HERC1: variants seen among roughly 807,000 people sequenced by gnomAD.
HERC1 encodes HECT and RLD domain containing E3 ubiquitin protein ligase family member 1, also known as probable E3 ubiquitin-protein ligase HERC1.
HERC1 carries 160 observed loss-of-function variants against 554.3 expected under a neutral mutation model. That is an observed-to-expected ratio of 0.29 (90% confidence interval 0.25 to 0.33). The LOEUF (loss-of-function observed/expected upper bound fraction) is 0.33. Ranked by LOEUF, HERC1 falls within the 10% of genes least tolerant of loss-of-function variation. The pLI is 1.00. For synonymous variants in HERC1, 2,175 were observed against 2,131.7 expected, an observed-to-expected ratio of 1.02 and a Z score of -0.56; for missense variants, 4,919 against 5,918.5, an observed-to-expected ratio of 0.83 and a Z score of 5.54.
At chr15:63,737,506 C>CTCTCTCTTTTT (rs2074583271) in intron 12 of HERC1, among the ~76,000 whole-genome samples, 2 of 49,052 alleles carry the variant, frequency 4.1e-5, no homozygotes, top group African/African-American at 1.3e-4. Flanking sequence ...ATATATATAT[C>CTCTCTCTTTTT]TTTTTTCCAG....
rs770451838 is a variant in HERC1 at position 63,694,683 on chromosome 15, T to C, written c.5242+91A>G. The C allele has an allele frequency of 2.0e-6, 3 of 1,536,856 alleles. No homozygotes were observed. The highest frequency in any genetic ancestry group is 2.7e-6 in the Non-Finnish European group (3 of 1,110,256). On this transcript the variant is annotated intron_variant, in intron 28 of 77. Transcript: ENST00000443617. This position sits in a 1 kb window ranked among gnomAD's most constrained non-coding sequence, Gnocchi z 4.3. ...CTTTACCTATAAGTTTATCTACTAA[T>C]GTTAAACACAAAATATAGAACATAA...
chr15:63,669,731 T>C (rs763981320), intron 39 of HERC1, 33 bp from the exon 40 acceptor site: 11 of 1,595,572 alleles, frequency 6.9e-6, no homozygotes, highest in African/African-American at 1.3e-5. Flanking sequence ...AGCATAAAAA[T>C]CCAATTTACG....
intron 69 of HERC1, among the ~76,000 whole-genome samples, chr15:63,629,947 T>C (rs2068473781): frequency 6.6e-6 from 1 of 152,154 alleles, no homozygotes; most frequent in Non-Finnish European, 1.5e-5. Context: ...GAGTCTCTTA[T>C]CAGTATCTCA....
rs2153068620 is a variant in HERC1 at position 63,698,877 on chromosome 15, A to G, written c.4756T>C (p.Leu1586=). The change falls in exon 26 of 78, where the codon TTG becomes CTG. Residue 1586 remains leucine (L), a synonymous_variant. Coordinates refer to ENST00000443617, the MANE Select transcript of HERC1 (RefSeq NM_003922.4). The part of the protein sequence containing the change: ...FESDFDLTKS[L]GVHTLIENVV... ...TTTTCAATCAAAGTGTGAACTCCCAAAGACTTGGTAAGATCAAAATCTGAC... is the reference window on the plus strand; with the variant it reads ...TTTTCAATCAAAGTGTGAACTCCCAGAGACTTGGTAAGATCAAAATCTGAC... 1 of 1,614,000 alleles carries G rather than the reference A, an allele frequency of 6.2e-7. No homozygotes were observed. Among genetic ancestry groups the G allele is most frequent in the East Asian group, 2.2e-5 (1 of 44,886 alleles).
At position 63,775,378 on chromosome 15, in the gene HERC1, A is replaced by C. The variant is rs763076398; in HGVS notation, c.246T>G (p.Leu82=). The C allele has an allele frequency of 1.2e-6, 2 of 1,613,990 alleles. No homozygotes were observed. Among genetic ancestry groups the C allele is most frequent in the South Asian group, 2.2e-5 (2 of 91,084 alleles). ...TTGCCAATGCTAGCTGGCTGCTAAG[A>C]AGGGCATCCAAATAGTGGTCCTGCT... ...SDEQDHYLDA[L]LSSQLALAKM... is the part of the protein sequence containing the mutation. Residue 82 remains leucine, a synonymous_variant, in exon 2 of 78, where the codon CTT becomes CTG. Coordinates refer to ENST00000443617, the MANE Select transcript of HERC1 (RefSeq NM_003922.4). The surrounding 1 kb of genome is among the most constrained non-coding windows in gnomAD (Gnocchi z 4.0).
At chr15:63,687,992 A>G (rs1450670351) in intron 33 of HERC1, among the ~76,000 whole-genome samples, 1 of 152,234 alleles carries the variant, frequency 6.6e-6, no homozygotes, top group Non-Finnish European at 1.5e-5. Flanking sequence ...TTATCCAAAG[A>G]ATGACGAGAA....
At chr15:63,696,524 A>C (rs1254113372) in intron 26 of HERC1, among the ~76,000 whole-genome samples, 185 bp from the exon 27 acceptor site, 1 of 152,212 alleles carries the variant, frequency 6.6e-6, no homozygotes. Context: ...CTATAAGCAC[A>C]CATCAGAATA....
chr15:63,661,332 C>T (rs1408609327), intron 45 of HERC1, among the ~76,000 whole-genome samples: 2 of 152,098 alleles, frequency 1.3e-5, no homozygotes, highest in African/African-American at 4.8e-5. Flanking sequence ...GGGCAACAAA[C>T]CTACTCTCTA....
chr15:63,652,095 G>A (rs904737647), intron 52 of HERC1, among the ~76,000 whole-genome samples: 30 of 151,996 alleles, frequency 2.0e-4, no homozygotes, highest in Admixed American at 9.2e-4. Flanking sequence ...ATTCTGATAC[G>A]GAAGCAATAT....
chr15:63,659,856 C>G lies in HERC1; in HGVS notation c.9304G>C (p.Gly3102Arg). The G allele has an allele frequency of 1.9e-6, 3 of 1,613,870 alleles. No homozygotes were observed. The highest frequency in any genetic ancestry group is 2.5e-6 in the Non-Finnish European group (3 of 1,179,804). Residue 3102 changes from glycine (G) to arginine (R), a missense_variant, in exon 47 of 78, where the codon GGT (glycine) becomes CGT (arginine). Around this residue, in one of 11 missense-constraint regions of HERC1, gnomAD observed 1,963 missense variants for 2,228.6 expected, o/e 0.88. Transcript: ENST00000443617. ...GGTACAATGCGCCGGTCATTTAAAC[C>G]AAGCGGTCCAGCAAGTAATTCAAAT... ...EEFELLAGPL[G>R]LNDRRIVPEP...
Position 63,669,630 on chromosome 15 carries a change from G to A in HERC1, c.8114C>T (p.Ser2705Phe). The A allele has an allele frequency of 6.2e-7, 1 of 1,613,876 alleles. No homozygotes were observed. The highest frequency in any genetic ancestry group is 8.5e-7 in the Non-Finnish European group (1 of 1,179,754). Residue 2705 changes from serine (S) to phenylalanine (F), a missense_variant, in exon 40 of 78, where the codon TCT (serine) becomes TTT (phenylalanine). Physicochemically the swap from Ser to Phe is radical, Grantham distance 155. Coordinates refer to ENST00000443617, the MANE Select transcript of HERC1 (RefSeq NM_003922.4). Reference sequence around the variant, plus strand: ...ATCAGAAGGAGAGGTTGGTAACGAAGATATTGGAGGAGTCTGTGCCCGACG... The same window carrying A: ...ATCAGAAGGAGAGGTTGGTAACGAAAATATTGGAGGAGTCTGTGCCCGACG... ...PTRRAQTPPI[S>F]SLPTSPSDEV... is the part of the protein sequence containing the mutation.
intron 21 of HERC1, among the ~76,000 whole-genome samples, chr15:63,717,336 CA>C (rs1384435207): frequency 6.6e-6 from 1 of 152,082 alleles, no homozygotes; most frequent in African/African-American, 2.4e-5. Context: ...CAGTATATGA[CA>C]AAAGTCTACA....
intron 2 of HERC1, among the ~76,000 whole-genome samples, chr15:63,774,255 G>C (rs973528199): frequency 1.3e-5 from 2 of 152,092 alleles, no homozygotes; most frequent in Non-Finnish European, 2.9e-5. Flanking sequence ...TAGCTCCATG[G>C]GGGTGGAAAC....
At chr15:63,657,683 T>C (rs1595907885) in intron 48 of HERC1, among the ~76,000 whole-genome samples, 1 of 152,244 alleles carries the variant, frequency 6.6e-6, no homozygotes, top group East Asian at 1.9e-4. Context: ...GTGACTTGCT[T>C]GAGGAATTTT....
At chr15:63,658,507 G>C (rs766946203) in intron 48 of HERC1, 37 bp downstream of exon 48, 1 of 1,568,162 alleles carries the variant, frequency 6.4e-7, no homozygotes, top group Non-Finnish European at 8.7e-7. Flanking sequence ...TACACTAGAA[G>C]TTAACTTAGC....
chr15:63,624,627 T>C (rs1370406704), intron 71 of HERC1, among the ~76,000 whole-genome samples: 1 of 152,152 alleles, frequency 6.6e-6, no homozygotes, highest in African/African-American at 2.4e-5. Context: ...TCCAAGGAGG[T>C]TGAGGCTGCA....
chr15:63,657,966 C>G (rs62014167), intron 48 of HERC1, among the ~76,000 whole-genome samples: 24,200 of 152,116 alleles, frequency 0.16, 2,229 homozygotes, highest in Middle Eastern at 0.21. Flanking sequence ...ATGTATGGGT[C>G]AGTTTCTTAA....
rs2068506431 is a variant in HERC1, at chr15:63,630,633, G to A, written c.12799C>T (p.Arg4267Cys). 12 of 1,606,146 alleles carry A rather than the reference G, an allele frequency of 7.5e-6. No individual in the cohort carries two copies. Among genetic ancestry groups the A allele is most frequent in the Non-Finnish European group, 9.3e-6 (11 of 1,177,068 alleles). Residue 4267 changes from arginine (R) to cysteine (C), a missense_variant and splice_region_variant, in exon 69 of 78, where the codon CGC becomes TGC. Physicochemically the swap from Arg to Cys is radical, Grantham distance 180. Around this residue, in one of 11 missense-constraint regions of HERC1, gnomAD observed 410 missense variants for 467.0 expected, o/e 0.88. Transcript: ENST00000443617. ...DGHVYTFGQD[R>C]LIGLPEGRAR... ...CGCCCCTCTGGCAAGCCTATCAGGC[G>A]ATCTGAAAAAAACAAAACAAAAACA...
At chr15:63,616,808 A>G in intron 74 of HERC1, 126 bp from the exon 75 acceptor site, 1 of 807,100 alleles carries the variant, frequency 1.2e-6, no homozygotes, top group Admixed American at 2.7e-5. Flanking sequence ...TAGCCACATA[A>G]GGCTAAAGTA....
Sources: allele counts gnomAD v4.1 joint callset (sites outside exome capture counted in the v4.1 genomes callset), GRCh38; gene constraint gnomAD v4.1.1; regional missense constraint gnomAD v4.1.1; non-coding constraint Gnocchi (gnomAD v3.1); transcripts MANE v1.5; gene names NCBI Gene and HGNC (gene_info 2026-07-23, HGNC 2026-07-21).